Variants in MS4A3 observed in about 807,000 individuals in gnomAD.
MS4A3 encodes membrane spanning 4-domains A3.
In MS4A3, 18 loss-of-function variants were observed where a neutral mutation model predicts 24.7. That is an observed-to-expected ratio of 0.73 (90% confidence interval 0.50 to 1.08). The LOEUF (loss-of-function observed/expected upper bound fraction) is 1.08. MS4A3 is among the 50% of genes least tolerant of loss of function. The pLI is 0.00. For missense variants in MS4A3, 282 were observed against 251.7 expected, an observed-to-expected ratio of 1.12 and a Z score of -0.82; for synonymous variants, 84 against 95.3, an observed-to-expected ratio of 0.88 and a Z score of 0.69.
intron 5 of MS4A3, 104 bp downstream of exon 5, chr11:60,067,216 T>TG: frequency 1.1e-6 from 1 of 936,996 alleles, no homozygotes; most frequent in East Asian, 3.0e-5. Context: ...TTGAATCTTT[T>TG]TTTTTTTTTT....
At chr11:60,069,041 G>A (rs1459943723) in intron 5 of MS4A3, among the ~76,000 whole-genome samples, 1 of 152,094 alleles carries the variant, frequency 6.6e-6, no homozygotes. Flanking sequence ...GAATTTGGAG[G>A]TATTTTTCCT....
chr11:60,062,822 G>A (rs531896810), intron 3 of MS4A3, among the ~76,000 whole-genome samples: 4 of 151,558 alleles, frequency 2.6e-5, no homozygotes, highest in Non-Finnish European at 4.4e-5. Flanking sequence ...ACAAAGTCTC[G>A]ATCTGCCATC....
chr11:60,066,937 T>A lies in MS4A3; in HGVS notation c.352-14T>A. ...TGCTGCATATATTAATTGAAAATTC[T>A]TATTCTTTTTTAGATACAGAACAGT... is the stretch of plus-strand genomic sequence containing the variant. On this transcript the variant is annotated splice_polypyrimidine_tract_variant and intron_variant, in intron 4 of 6. Coordinates refer to ENST00000278865, the MANE Select transcript of MS4A3 (RefSeq NM_006138.5). The A allele has an allele frequency of 6.4e-7, 1 of 1,568,664 alleles. No homozygotes were observed. Among genetic ancestry groups the A allele is most frequent in the Non-Finnish European group, 8.6e-7 (1 of 1,164,674 alleles).
intron 5 of MS4A3, among the ~76,000 whole-genome samples, chr11:60,068,645 T>C (rs911193988): frequency 2.0e-5 from 3 of 152,178 alleles, no homozygotes; most frequent in Non-Finnish European, 4.4e-5. Context: ...ATTATCCATT[T>C]CATCCCAGTG....
At chr11:60,068,784 G>A (rs1223475606) in intron 5 of MS4A3, among the ~76,000 whole-genome samples, 2 of 151,914 alleles carry the variant, frequency 1.3e-5, no homozygotes, top group Admixed American at 6.6e-5. Context: ...TACATGTGTC[G>A]TGTTTGTTTG....
chr11:60,056,992 C>T (rs991210263), intron 1 of MS4A3, among the ~76,000 whole-genome samples: 4 of 152,124 alleles, frequency 2.6e-5, no homozygotes, highest in South Asian at 2.1e-4. Flanking sequence ...CACATGCACA[C>T]GCACCTCTTA....
chr11:60,062,362 C>T (rs1261845670), intron 2 of MS4A3, 106 bp from the exon 3 acceptor site: 1 of 1,355,920 alleles, frequency 7.4e-7, no homozygotes, highest in African/African-American at 1.4e-5. Context: ...ACACTTTAAC[C>T]ATTTCAAGCA....
In MS4A3 at chr11:60,061,212, G is replaced by A; in HGVS notation, c.52G>A (p.Gly18Ser). 1.2e-6 allele frequency: 2 copies of A among 1,613,238 alleles called. No homozygotes were observed. Among genetic ancestry groups the A allele is most frequent in the Non-Finnish European group, 1.7e-6 (2 of 1,179,666 alleles). Residue 18 changes from glycine to serine, a missense_variant, in exon 2 of 7, where the codon GGT (glycine) becomes AGT (serine). Gly to Ser is a moderately conservative substitution (Grantham distance 56). Transcript: ENST00000278865. ...AGAGCTGGGGTCAGCCTCTGCCCAT[G>A]GTACCCCAGGCAGTGAGGCGGGACC... ...NAELGSASAH[G>S]TPGSEAGPEE...
At chr11:60,067,590 C>G (rs1482426482) in intron 5 of MS4A3, among the ~76,000 whole-genome samples, 1 of 152,106 alleles carries the variant, frequency 6.6e-6, no homozygotes. Context: ...TGAATTTTCT[C>G]ATTTTTGAAA....
chr11:60,069,400 T>C, intron 5 of MS4A3, 174 bp from the exon 6 acceptor site: 1 of 481,908 alleles, frequency 2.1e-6, no homozygotes. Context: ...TTCATGCTTT[T>C]AGATTGAGAT....
At chr11:60,068,911 T>C (rs1457222969) in intron 5 of MS4A3, among the ~76,000 whole-genome samples, 1 of 151,712 alleles carries the variant, frequency 6.6e-6, no homozygotes, top group Non-Finnish European at 1.5e-5. Context: ...CGTCCAAGTG[T>C]TCTCATTGTT....
chr11:60,065,660 A>C (rs890218277), intron 4 of MS4A3, among the ~76,000 whole-genome samples: 1 of 152,142 alleles, frequency 6.6e-6, no homozygotes, highest in African/African-American at 2.4e-5. Context: ...TTCCTCATCT[A>C]ACTTAAGCTA....
rs74636325 is a variant in MS4A3 at position 60,066,371 on chromosome 11, T to C, written c.352-580T>C. 8.1e-3 allele frequency among the ~76,000 whole-genome samples: 1,218 copies of C among 150,154 alleles called. 16 individuals carry two copies. The highest frequency in any genetic ancestry group is 0.028 in the African/African-American group (1,145 of 41,354). ...CCAAATCCTTCATTGGCTTTGTATT[T>C]TTCTTAGAGTTAGAAACAAGTTCCT... On this transcript the variant is annotated intron_variant, in intron 4 of 6. Transcript: ENST00000278865.
rs748726095 is a variant in MS4A3 at position 60,061,221 on chromosome 11, G to C, written c.61G>C (p.Gly21Arg). 42 of 1,613,414 alleles carry C rather than the reference G, an allele frequency of 2.6e-5. No homozygotes were observed. Among genetic ancestry groups the C allele is most frequent in the Non-Finnish European group, 3.5e-5 (41 of 1,179,780 alleles). The change falls in exon 2 of 7, where the codon GGC becomes CGC. Residue 21 changes from glycine to arginine, a missense_variant. Coordinates refer to ENST00000278865, the MANE Select transcript of MS4A3 (RefSeq NM_006138.5). ...GTCAGCCTCTGCCCATGGTACCCCA[G>C]GCAGTGAGGCGGGACCAGAAGAGCT... is the stretch of plus-strand genomic sequence containing the variant. The part of the protein sequence containing the change: ...LGSASAHGTP[G>R]SEAGPEELNT...
chr11:60,069,589 C>T lies in MS4A3; in HGVS notation c.529C>T (p.Leu177=), dbSNP rs752479947. The T allele has an allele frequency of 4.3e-6, 7 of 1,612,560 alleles. No individual in the cohort carries two copies. The East Asian group carries it at 1.1e-4, about 26-fold the overall frequency. The change falls in exon 6 of 7, where the codon CTG becomes TTG. Residue 177 remains leucine, a synonymous_variant. Transcript: ENST00000278865. The part of the protein sequence containing the change: ...GSISNGMVSL[L]LILTLLELCV... ...TATCCCCTAGGGCATGGTGTCTCTA[C>T]TGCTGATTCTCACCTTGCTGGAATT...
At chr11:60,061,538 C>T (rs1422011498) in intron 2 of MS4A3, 5 of 626,098 alleles carry the variant, frequency 8.0e-6, no homozygotes, top group Non-Finnish European at 1.5e-5. Flanking sequence ...TGATAATCTA[C>T]TTCCACTTAA....
intron 1 of MS4A3, among the ~76,000 whole-genome samples, chr11:60,058,265 T>C (rs981395934): frequency 1.1e-4 from 16 of 151,784 alleles, no homozygotes; most frequent in African/African-American, 3.4e-4. Context: ...CCCAGCACTT[T>C]GGGAGGCTGA....
chr11:60,066,744 C>T (rs1855366799), intron 4 of MS4A3, among the ~76,000 whole-genome samples: 1 of 152,102 alleles, frequency 6.6e-6, no homozygotes, highest in East Asian at 1.9e-4. Context: ...AGTATGTTTA[C>T]TTTTTTCTTT....
chr11:60,059,086 T>C (rs1321707705), intron 1 of MS4A3, among the ~76,000 whole-genome samples: 1 of 152,176 alleles, frequency 6.6e-6, no homozygotes, highest in African/African-American at 2.4e-5. Flanking sequence ...ATGAAGAGTA[T>C]TGGTAGCAAA....
Sources: allele counts gnomAD v4.1 joint callset (sites outside exome capture counted in the v4.1 genomes callset), GRCh38; gene constraint gnomAD v4.1.1; transcripts MANE v1.5; gene names NCBI Gene and HGNC (gene_info 2026-07-23, HGNC 2026-07-21).